ANKRD30A: variants seen among roughly 807,000 people sequenced by gnomAD.
ANKRD30A encodes the protein ankyrin repeat domain-containing protein 30A.
Under a neutral mutation model 166.3 loss-of-function variants are expected in ANKRD30A, and 170 were observed. The observed-to-expected ratio is 1.02, with a 90% confidence interval of 0.90 to 1.16. ANKRD30A has a LOEUF of 1.16. Ranked by LOEUF, ANKRD30A falls within the 50% of genes most tolerant of loss-of-function variation. The pLI, the probability that ANKRD30A is intolerant of heterozygous loss-of-function variation, is 0.00. For synonymous variants in ANKRD30A, 564 were observed against 508.9 expected, an observed-to-expected ratio of 1.11 and a Z score of -1.46; for missense variants, 1,630 against 1,518.0, an observed-to-expected ratio of 1.07 and a Z score of -1.23.
intron 12 of ANKRD30A, 62 bp downstream of exon 12, chr10:37,152,183 A>C: frequency 1.5e-6 from 2 of 1,378,806 alleles, no homozygotes; most frequent in Non-Finnish European, 2.0e-6. Context: ...ACATAAAGGC[A>C]GAGGCTTAGG....
At chr10:37,167,368 C>T (rs559095840) in intron 19 of ANKRD30A, among the ~76,000 whole-genome samples, 1 of 149,218 alleles carries the variant, frequency 6.7e-6, no homozygotes, top group Admixed American at 6.6e-5. Flanking sequence ...AATGTAAGAA[C>T]CTTGGCTTTA....
At position 37,197,290 on chromosome 10, in the gene ANKRD30A, A is replaced by G. The variant is rs542212891; in HGVS notation, c.2624A>G (p.Glu875Gly). Residue 875 changes from glutamate (E) to glycine (G), a missense_variant, in exon 28 of 36, where the codon GAG becomes GGG. Physicochemically the swap from Glu to Gly is moderately conservative, Grantham distance 98. Transcript: ENST00000361713. ...CTCTTTTGCTTTTTAGAGCCTCCCGAGAAGCCATCTGCCTTCGAGGTATTT... is the reference window on the plus strand; with the variant it reads ...CTCTTTTGCTTTTTAGAGCCTCCCGGGAAGCCATCTGCCTTCGAGGTATTT... Reference protein sequence around the residue: ...DMQTFKAEPPEKPSAFEPAIE... With the variant: ...DMQTFKAEPPGKPSAFEPAIE... The G allele has an allele frequency of 7.9e-5, 128 of 1,613,264 alleles. 1 individual carries two copies. The African/African-American group carries it at 1.4e-3, about 18-fold the overall frequency.
intron 24 of ANKRD30A, among the ~76,000 whole-genome samples, chr10:37,179,679 A>G (rs1840053535): frequency 7.0e-6 from 1 of 143,366 alleles, no homozygotes; most frequent in Non-Finnish European, 1.6e-5. Context: ...AGGACATATT[A>G]AAGAACATGA....
intron 32 of ANKRD30A, among the ~76,000 whole-genome samples, chr10:37,216,858 T>C (rs1842631086): frequency 6.6e-6 from 1 of 151,064 alleles, no homozygotes; most frequent in Admixed American, 6.6e-5. Context: ...TTCATTACAG[T>C]TCAACAAAGA....
At chr10:37,200,808 A>G (rs1317077525) in intron 30 of ANKRD30A, among the ~76,000 whole-genome samples, 3 of 152,100 alleles carry the variant, frequency 2.0e-5, no homozygotes, top group Non-Finnish European at 2.9e-5. Context: ...CATTTTTAAC[A>G]TTAGACAATT....
At chr10:37,190,047 G>T (rs1312385854) in intron 25 of ANKRD30A, among the ~76,000 whole-genome samples, 1 of 151,776 alleles carries the variant, frequency 6.6e-6, no homozygotes, top group Admixed American at 6.6e-5. Flanking sequence ...TCTCACTTGT[G>T]GGAAGCCATT....
chr10:37,191,854 G>T (rs1232671102), intron 25 of ANKRD30A, among the ~76,000 whole-genome samples: 2 of 151,922 alleles, frequency 1.3e-5, no homozygotes, highest in Non-Finnish European at 2.9e-5. Flanking sequence ...AATCAGCCGG[G>T]CGTGGTGGTG....
In ANKRD30A at chr10:37,162,641, C is replaced by T. The variant is rs1224338401; in HGVS notation, c.1901-8C>T. ...TATGATTGATGATAAATCTCTTTTG[C>T]TTTTTAGAGCCTCCGGGGAAGCCAT... On this transcript the variant is annotated splice_region_variant and splice_polypyrimidine_tract_variant and intron_variant, in intron 15 of 35. Transcript: ENST00000361713. The T allele has an allele frequency of 1.2e-6, 2 of 1,611,842 alleles. No homozygotes were observed. The highest frequency in any genetic ancestry group is 2.7e-5 in the African/African-American group (2 of 74,818).
chr10:37,200,324 T>TAATA (rs965723745), intron 30 of ANKRD30A, among the ~76,000 whole-genome samples: 4 of 152,048 alleles, frequency 2.6e-5, no homozygotes, highest in African/African-American at 7.2e-5. Context: ...TGTGGGAGTA[T>TAATA]AATAACAAGA....
downstream of ANKRD30A, among the ~76,000 whole-genome samples, chr10:37,236,672 A>C (rs1843688711): frequency 6.6e-6 from 1 of 152,184 alleles, no homozygotes; most frequent in Non-Finnish European, 1.5e-5. Context: ...CCTTGAAATT[A>C]AGTTCAGGTT....
chr10:37,231,499 GA>G lies in ANKRD30A; in HGVS notation c.*33del. The stretch of plus-strand genomic sequence containing the variant: ...CAAGCAGTAAGAAACTTCTTTTGGA[GA>G]AACAACAGACCAGATCTTTACTCAC... On this transcript the variant is annotated 3_prime_UTR_variant, in exon 35 of 36. Coordinates refer to ENST00000361713, the MANE Select transcript of ANKRD30A (RefSeq NM_052997.3). 1.3e-6 allele frequency: 2 copies of G among 1,578,912 alleles called. No homozygotes were observed. Among genetic ancestry groups the G allele is most frequent in the South Asian group, 2.3e-5 (2 of 85,916 alleles).
intron 15 of ANKRD30A, among the ~76,000 whole-genome samples, chr10:37,162,444 A>G (rs1320582013): frequency 6.6e-6 from 1 of 152,196 alleles, no homozygotes; most frequent in Non-Finnish European, 1.5e-5. Flanking sequence ...TAACTGCATG[A>G]TCTGAGAAAC....
In ANKRD30A at chr10:37,208,205, C is replaced by G. The variant is rs970160953; in HGVS notation, c.2869+6880C>G. On this transcript the variant is annotated intron_variant, in intron 31 of 35. Transcript: ENST00000361713. The stretch of plus-strand genomic sequence containing the variant: ...CCTCTGGGAGCCTCTTTGCAATTCA[C>G]TAAGAGCTTTTCCTGAGACCCTTGT... Among the ~76,000 whole-genome samples the G allele has an allele frequency of 1.1e-4, 17 of 152,154 alleles. 1 individual carries two copies. Among genetic ancestry groups the G allele is most frequent in the Non-Finnish European group, 5.9e-5 (4 of 68,026 alleles).
rs1421539599 is a variant in ANKRD30A at position 37,194,329 on chromosome 10, C to A, written c.2614+1071C>A. 2.6e-5 allele frequency among the ~76,000 whole-genome samples: 4 copies of A among 151,370 alleles called. 1 individual carries two copies. Among genetic ancestry groups the A allele is most frequent in the African/African-American group, 4.9e-5 (2 of 41,174 alleles). On this transcript the variant is annotated intron_variant, in intron 27 of 35. Coordinates refer to ENST00000361713, the MANE Select transcript of ANKRD30A (RefSeq NM_052997.3). ...CAATTTTCTTCCTTTTTTTTGTTTG[C>A]ATTTCTTTCTTCAGTTTTTTTGTTT...
Position 37,193,907 on chromosome 10 carries a change from A to T in ANKRD30A, c.2614+649A>T, listed in dbSNP as rs1840819856. On this transcript the variant is annotated intron_variant, in intron 27 of 35. Coordinates refer to ENST00000361713, the MANE Select transcript of ANKRD30A (RefSeq NM_052997.3). ...TTCCCGTGAACGTTTACAACATTTT[A>T]CAATAGGCCGTGCACGGTGGCACGT... 1.3e-5 allele frequency among the ~76,000 whole-genome samples: 2 copies of T among 152,160 alleles called. 1 individual carries two copies. Among genetic ancestry groups the T allele is most frequent in the South Asian group, 4.1e-4 (2 of 4,826 alleles).
intron 31 of ANKRD30A, among the ~76,000 whole-genome samples, chr10:37,215,674 T>TA (rs935305855): frequency 1.3e-5 from 2 of 151,514 alleles, no homozygotes; most frequent in African/African-American, 4.8e-5. Flanking sequence ...GTCCACTGTC[T>TA]AAAAAAATTG....
downstream of ANKRD30A, chr10:37,232,652 TTTTA>T (rs1307692311): frequency 1.9e-3 from 42 of 22,188 alleles, 2 homozygotes; most frequent in South Asian, 5.7e-3. Flanking sequence ...GAAGCATTGG[TTTTA>T]TATATATATA....
chr10:37,240,307 G>C, the ANKRD30A span, among the ~76,000 whole-genome samples: 1 of 152,062 alleles, frequency 6.6e-6, no homozygotes, highest in Non-Finnish European at 1.5e-5. Flanking sequence ...CACTGCAGTT[G>C]TTTTGAGAAA....
chr10:37,151,328 CAT>C (rs767772985), intron 11 of ANKRD30A, among the ~76,000 whole-genome samples: 4 of 152,060 alleles, frequency 2.6e-5, no homozygotes, highest in Non-Finnish European at 5.9e-5. Flanking sequence ...TATCCTATAA[CAT>C]GTGGGAACGT....
Sources: gnomAD v4.1 joint callset for allele counts (sites outside exome capture counted in the v4.1 genomes callset) on GRCh38, gnomAD v4.1.1 for gene constraint, MANE v1.5 for transcripts, NCBI Gene and HGNC (gene_info 2026-07-23, HGNC 2026-07-21) for gene names.